NT5DC1: variants seen among roughly 807,000 people sequenced by gnomAD.
The protein encoded by NT5DC1 is 5'-nucleotidase domain-containing protein 1.
In NT5DC1, 42 loss-of-function variants were observed where a neutral mutation model predicts 59.4. The ratio of observed to expected loss-of-function variants is 0.71; its 90% CI spans 0.55 to 0.92. The LOEUF (loss-of-function observed/expected upper bound fraction) is 0.92, where lower values mean the gene tolerates loss of function less well. Among genes scored for constraint, NT5DC1 ranks in the 40% least tolerant of loss-of-function variants. The probability of loss-of-function intolerance (pLI) is 0.00; values close to 1 mark genes in which losing one functional copy is unlikely to be tolerated. For missense variants in NT5DC1, 501 were observed against 537.1 expected (o/e 0.93, Z 0.66); for synonymous variants, 172 against 188.1 (o/e 0.91, Z 0.70).
At chr6:116,238,821 A>G (rs936652331) in intron 10 of NT5DC1, 134 bp from the exon 11 acceptor site, 5 of 590,682 alleles carry the variant, frequency 8.5e-6, no homozygotes, top group Non-Finnish European at 1.5e-5. Flanking sequence ...TGTTCCAAAA[A>G]TTTAATGTGG....
chr6:116,237,586 C>G (rs180806318), intron 9 of NT5DC1: 2 of 450,070 alleles, frequency 4.4e-6, no homozygotes, highest in African/African-American at 4.0e-5. Flanking sequence ...GTCTGACTTG[C>G]AGATGCTGAT....
intron 1 of NT5DC1, among the ~76,000 whole-genome samples, chr6:116,105,417 C>A (rs546893646): frequency 3.9e-4 from 60 of 152,312 alleles, no homozygotes; most frequent in African/African-American, 1.4e-3. Context: ...TCAGATTGTT[C>A]AGTGTGTCCT....
At chr6:116,145,263 A>C (rs956034555) in intron 6 of NT5DC1, among the ~76,000 whole-genome samples, 5 of 152,162 alleles carry the variant, frequency 3.3e-5, no homozygotes, top group African/African-American at 1.2e-4. Context: ...GAAAGGTGTG[A>C]TATGATAAAA....
chr6:116,149,685 C>T (rs1779987079), intron 6 of NT5DC1, among the ~76,000 whole-genome samples: 1 of 152,160 alleles, frequency 6.6e-6, no homozygotes. Flanking sequence ...AATATTTGAA[C>T]TTAGTGTTGA....
At chr6:116,193,014 G>T (rs549220104) in intron 6 of NT5DC1, among the ~76,000 whole-genome samples, 1 of 152,088 alleles carries the variant, frequency 6.6e-6, no homozygotes, top group African/African-American at 2.4e-5. Flanking sequence ...GTATTGTTGG[G>T]ATCACTTTTC....
chr6:116,204,936 A>C (rs905178831), intron 6 of NT5DC1, among the ~76,000 whole-genome samples: 6 of 151,982 alleles, frequency 3.9e-5, no homozygotes, highest in Non-Finnish European at 7.4e-5. Flanking sequence ...ATTGCACAAA[A>C]TGTGTACTAG....
intron 6 of NT5DC1, among the ~76,000 whole-genome samples, chr6:116,135,849 A>G (rs866836174): frequency 0.058 from 5,904 of 102,374 alleles, 448 homozygotes; most frequent in African/African-American, 0.22. Context: ...ATATATATAT[A>G]TATATATATA....
intron 6 of NT5DC1, among the ~76,000 whole-genome samples, chr6:116,187,247 C>T (rs542723095): frequency 6.6e-6 from 1 of 152,164 alleles, no homozygotes; most frequent in Admixed American, 6.6e-5. Flanking sequence ...GCTACCAGCA[C>T]CTGCTCCAGG....
intron 6 of NT5DC1, among the ~76,000 whole-genome samples, chr6:116,202,272 C>T (rs1781365496): frequency 6.6e-6 from 1 of 151,934 alleles, no homozygotes; most frequent in Non-Finnish European, 1.5e-5. Flanking sequence ...TTCTGTAGTA[C>T]CTTTTTTTCT....
intron 8 of NT5DC1, among the ~76,000 whole-genome samples, chr6:116,231,939 G>A (rs1036220754): frequency 1.6e-4 from 25 of 152,114 alleles, no homozygotes; most frequent in Non-Finnish European, 3.5e-4. Flanking sequence ...GTTTGCTAGG[G>A]CTGCCGTAAC....
intron 6 of NT5DC1, among the ~76,000 whole-genome samples, chr6:116,201,198 G>C (rs1311856621): frequency 1.3e-5 from 2 of 151,972 alleles, no homozygotes; most frequent in South Asian, 4.1e-4. Flanking sequence ...CAATACATGA[G>C]CAGATAAAAA....
chr6:116,117,943 A>G lies in NT5DC1; in HGVS notation c.527A>G (p.Lys176Arg). The change falls in exon 6 of 12, where the codon AAG becomes AGG. Residue 176 changes from lysine to arginine, a missense_variant and splice_region_variant. By Grantham distance (26) the Lys-to-Arg change is conservative (BLOSUM62 2). Transcript: ENST00000319550. ...IQHNYKMSAF[K>R]ENCGIYFPEI... ...CACAATTATAAAATGTCAGCTTTTAAGGGTAAGTATTGTGAAGAGGGGCCT... is the reference window on the plus strand; with the variant it reads ...CACAATTATAAAATGTCAGCTTTTAGGGGTAAGTATTGTGAAGAGGGGCCT... 2.0e-6 allele frequency: 3 copies of G among 1,501,960 alleles called. No individual in the cohort carries two copies. The African/African-American group carries it at 4.1e-5, about 21-fold the overall frequency. 93.0% of individuals were successfully genotyped at this position (1,501,960 alleles called of 1,614,324 possible). A position where few individuals can be genotyped will look rare whatever the true frequency, so the allele number is the denominator to read the frequency against.
At chr6:116,119,207 C>A (rs1779031707) in intron 6 of NT5DC1, 1 of 152,620 alleles carries the variant, frequency 6.6e-6, no homozygotes, top group Admixed American at 6.5e-5. Flanking sequence ...ATTATAACTT[C>A]ACTTGAATGG....
chr6:116,135,208 A>G lies in NT5DC1; in HGVS notation c.529+17263A>G, dbSNP rs574364492. On this transcript the variant is annotated intron_variant, in intron 6 of 11. Coordinates refer to ENST00000319550, the MANE Select transcript of NT5DC1 (RefSeq NM_152729.3). ...AGCATCTTCTCTTGAATGGAAATAC[A>G]TATATGACCCTTAAAGGGGGAAGAT... is the stretch of plus-strand genomic sequence containing the variant. Among the ~76,000 whole-genome samples, 3 of 152,288 alleles carry G rather than the reference A, an allele frequency of 2.0e-5. No homozygotes were observed. In the South Asian group the frequency reaches 6.2e-4, roughly 32 times the overall value.
intron 6 of NT5DC1, among the ~76,000 whole-genome samples, chr6:116,177,208 ATTAAG>A (rs1373734063): frequency 1.3e-5 from 2 of 152,200 alleles, no homozygotes; most frequent in Non-Finnish European, 2.9e-5. Context: ...AATACAAATA[ATTAAG>A]TTTAGTCTCA....
chr6:116,220,224 A>G (rs1302365188), intron 6 of NT5DC1, among the ~76,000 whole-genome samples: 1 of 143,254 alleles, frequency 7.0e-6, no homozygotes, highest in African/African-American at 2.6e-5. Context: ...TAGTTCTATC[A>G]TGCTCTGAGA....
Position 116,239,001 on chromosome 6 carries a change from C to G in NT5DC1, c.1130C>G (p.Ser377Cys). ...AATACTTCATCTAAAAAATGGGGCTCTTTTTTTATTGATTCAGTTTTGGGA... is the reference window on the plus strand; with the variant it reads ...AATACTTCATCTAAAAAATGGGGCTGTTTTTTTATTGATTCAGTTTTGGGA... ...PLNTSSKKWG[S>C]FFIDSVLGLE... Residue 377 changes from serine (S) to cysteine (C), a missense_variant, in exon 11 of 12, where the codon TCT becomes TGT. Physicochemically the swap from Ser to Cys is moderately radical, Grantham distance 112 (BLOSUM62 -1). Transcript: ENST00000319550. 1 of 1,608,782 alleles carries G rather than the reference C, an allele frequency of 6.2e-7. No homozygotes were observed. The highest frequency in any genetic ancestry group is 1.1e-5 in the South Asian group (1 of 90,920).
chr6:116,235,512 G>A (rs751167176), intron 8 of NT5DC1, among the ~76,000 whole-genome samples: 1 of 152,172 alleles, frequency 6.6e-6, no homozygotes, highest in East Asian at 1.9e-4. Flanking sequence ...TGATTTGGCT[G>A]TAATTATCTA....
intron 6 of NT5DC1, among the ~76,000 whole-genome samples, chr6:116,191,670 A>G (rs1038771709): frequency 6.6e-6 from 1 of 152,078 alleles, no homozygotes; most frequent in Non-Finnish European, 1.5e-5. Context: ...AAGAAAATCC[A>G]TTGCTAAAAA....
Sources: gnomAD v4.1 joint callset for allele counts (sites outside exome capture counted in the v4.1 genomes callset) on GRCh38, gnomAD v4.1.1 for gene constraint, MANE v1.5 for transcripts, NCBI Gene and HGNC (gene_info 2026-07-23, HGNC 2026-07-21) for gene names.